EFCAB8: variants seen among roughly 807,000 people sequenced by gnomAD.
EFCAB8 encodes EF-hand calcium-binding domain-containing protein 8.
Under a neutral mutation model 116.3 loss-of-function variants are expected in EFCAB8, and 100 were observed. The ratio of observed to expected loss-of-function variants is 0.86; its 90% CI spans 0.73 to 1.02. EFCAB8 has a LOEUF of 1.02. Ranked by LOEUF, EFCAB8 falls within the 50% of genes least tolerant of loss-of-function variation. The probability of loss-of-function intolerance (pLI) is 0.00; values close to 1 mark genes in which losing one functional copy is unlikely to be tolerated. For missense variants in EFCAB8, 1,320 were observed against 1,416.9 expected, an observed-to-expected ratio of 0.93 and a Z score of 1.10; for synonymous variants, 558 against 567.9, an observed-to-expected ratio of 0.98 and a Z score of 0.25.
chr20:32,893,368 G>C (rs764305253), intron 9 of EFCAB8, 70 bp downstream of exon 9: 477 of 1,535,590 alleles, frequency 3.1e-4, no homozygotes, highest in Non-Finnish European at 4.0e-4. Context: ...AGGTCATCCT[G>C]GTCCCCGAGC....
At chr20:32,884,537 G>A (rs1985508468) in intron 5 of EFCAB8, among the ~76,000 whole-genome samples, 3 of 152,192 alleles carry the variant, frequency 2.0e-5, no homozygotes, top group South Asian at 4.1e-4. Context: ...GTCCAGACAC[G>A]TTTCCCTTGC....
intron 6 of EFCAB8, among the ~76,000 whole-genome samples, chr20:32,885,852 C>G (rs6120013): frequency 2.0e-5 from 3 of 151,962 alleles, no homozygotes; most frequent in Non-Finnish European, 4.4e-5. Context: ...TGTCCATTCC[C>G]TGTGGGTGTC....
At chr20:32,877,846 T>A (rs2146190239) in intron 4 of EFCAB8, among the ~76,000 whole-genome samples, 1 of 151,532 alleles carries the variant, frequency 6.6e-6, no homozygotes, top group East Asian at 1.9e-4. Context: ...TAGGGGAGAG[T>A]GAATAAAGAG....
At chr20:32,878,174 G>C (rs1475335864) in intron 4 of EFCAB8, among the ~76,000 whole-genome samples, 2 of 152,106 alleles carry the variant, frequency 1.3e-5, no homozygotes, top group Non-Finnish European at 1.5e-5. Context: ...GCTGAGGTGG[G>C]AGGATCACTT....
intron 4 of EFCAB8, among the ~76,000 whole-genome samples, chr20:32,878,472 G>T (rs1391869076): frequency 6.6e-6 from 1 of 152,042 alleles, no homozygotes; most frequent in East Asian, 1.9e-4. Flanking sequence ...GGAGAGATGG[G>T]GTGGTGAGGG....
intron 20 of EFCAB8, among the ~76,000 whole-genome samples, chr20:32,928,591 T>G (rs1277608933): frequency 6.6e-6 from 1 of 152,072 alleles, no homozygotes; most frequent in Non-Finnish European, 1.5e-5. Context: ...TGAATTCATT[T>G]GTTAGCCCCT....
At chr20:32,905,128 C>T (rs1029053701) in intron 11 of EFCAB8, among the ~76,000 whole-genome samples, 7 of 152,168 alleles carry the variant, frequency 4.6e-5, no homozygotes, top group African/African-American at 1.2e-4. Context: ...TCTCCTGGAT[C>T]GCTGCTTACT....
In EFCAB8 at chr20:32,890,035, C is replaced by T. The variant is rs117909903; in HGVS notation, c.673+629C>T. On this transcript the variant is annotated intron_variant, in intron 7 of 26. Transcript: ENST00000400522. The stretch of plus-strand genomic sequence containing the variant: ...AAAAAAAAAAGCCTCTCCTGCATGC[C>T]GCGCTTCCCTGATGCCCCCAAAGGC... 8.8e-3 allele frequency among the ~76,000 whole-genome samples: 1,327 copies of T among 151,618 alleles called. 9 individuals are homozygous for T. Among genetic ancestry groups the T allele is most frequent in the Non-Finnish European group, 0.014 (977 of 67,920 alleles).
At position 32,961,725 on chromosome 20, in the gene EFCAB8, C is replaced by A. The variant is rs374702817; in HGVS notation, c.*116C>A. 1 of 564,390 alleles carries A rather than the reference C, an allele frequency of 1.8e-6. No homozygotes were observed. Among genetic ancestry groups the A allele is most frequent in the South Asian group, 8.4e-5 (1 of 11,890 alleles). The allele number at this position is 564,390 out of a possible 1,614,324, so 35.0% of individuals were successfully genotyped here. ...AGGATGTGGCTCTTCCCCCGGCCAC[C>A]CCACTGGGCCTCTCTGGGGAAGTTC... On this transcript the variant is annotated 3_prime_UTR_variant, in exon 27 of 27. Coordinates refer to ENST00000400522, the MANE Select transcript of EFCAB8 (RefSeq NM_001143967.2).
At chr20:32,885,357 G>T in intron 5 of EFCAB8, 148 bp from the exon 6 acceptor site, 1 of 1,061,448 alleles carries the variant, frequency 9.4e-7, no homozygotes. Context: ...AGCCAGCTAT[G>T]GGTTTATGGC....
At chr20:32,942,060 A>G (rs1272044711) in intron 22 of EFCAB8, among the ~76,000 whole-genome samples, 1 of 152,202 alleles carries the variant, frequency 6.6e-6, no homozygotes, top group Non-Finnish European at 1.5e-5. Context: ...AGGTTTATAC[A>G]GTTTTGCATT....
At chr20:32,925,407 C>A (rs1987631850) in intron 20 of EFCAB8, among the ~76,000 whole-genome samples, 2 of 152,234 alleles carry the variant, frequency 1.3e-5, no homozygotes, top group South Asian at 4.2e-4. Flanking sequence ...TTAATGGAGA[C>A]AGGGTTTCAC....
intron 23 of EFCAB8, among the ~76,000 whole-genome samples, chr20:32,957,440 G>C (rs767582470): frequency 3.3e-5 from 5 of 152,146 alleles, no homozygotes; most frequent in Non-Finnish European, 1.5e-5. Flanking sequence ...TCTCCATCCA[G>C]TTGGGGATTG....
chr20:32,949,377 C>G (rs1000022421), intron 23 of EFCAB8, among the ~76,000 whole-genome samples: 2 of 152,162 alleles, frequency 1.3e-5, no homozygotes, highest in Non-Finnish European at 2.9e-5. Context: ...AAATACCAAT[C>G]AATATCCCAG....
chr20:32,867,402 G>C (rs1275053949), intron 2 of EFCAB8, among the ~76,000 whole-genome samples, 180 bp from the exon 3 acceptor site: 2 of 152,184 alleles, frequency 1.3e-5, no homozygotes, highest in East Asian at 3.8e-4. Flanking sequence ...GAAGAGTCTA[G>C]GTTTTTCTTT....
At chr20:32,950,513 C>T (rs1040171059) in intron 23 of EFCAB8, among the ~76,000 whole-genome samples, 1 of 152,176 alleles carries the variant, frequency 6.6e-6, no homozygotes, top group Non-Finnish European at 1.5e-5. Flanking sequence ...TAGAGCCACA[C>T]TCTCTTACAG....
At chr20:32,908,221 C>CCT in intron 13 of EFCAB8, 54 bp from the exon 14 acceptor site, 1 of 1,247,120 alleles carries the variant, frequency 8.0e-7, no homozygotes, top group Non-Finnish European at 1.0e-6. Flanking sequence ...CTTCAGGAGC[C>CCT]GGCTACATCC....
rs149841158 is a variant in EFCAB8, at chr20:32,917,440, G to A, written c.1996G>A (p.Gly666Ser). The change falls in exon 18 of 27, where the codon GGC becomes AGC. Residue 666 changes from glycine (G) to serine (S), a missense_variant. Physicochemically the swap from Gly to Ser is moderately conservative, Grantham distance 56. Coordinates refer to ENST00000400522, the MANE Select transcript of EFCAB8 (RefSeq NM_001143967.2). The part of the protein sequence containing the change: ...YSGDILFWNT[G>S]TLKPIFNFNA... ...TGGGGACATCCTCTTCTGGAACACC[G>A]GCACACTCAAGCCCATCTTCAACTT... 141 of 1,552,062 alleles carry A rather than the reference G, an allele frequency of 9.1e-5. No individual in the cohort carries two copies. The highest frequency in any genetic ancestry group is 1.7e-4 in the Middle Eastern group (1 of 5,996).
intron 22 of EFCAB8, among the ~76,000 whole-genome samples, chr20:32,933,630 C>T (rs545742486): frequency 3.1e-4 from 47 of 152,298 alleles, no homozygotes; most frequent in Non-Finnish European, 8.8e-5. Context: ...CCTTATTCCC[C>T]ACCCCACCCT....
Sources: gnomAD v4.1 joint callset for allele counts (sites outside exome capture counted in the v4.1 genomes callset) on GRCh38, gnomAD v4.1.1 for gene constraint, MANE v1.5 for transcripts, NCBI Gene and HGNC (gene_info 2026-07-23, HGNC 2026-07-21) for gene names.